BCL2L2: variants seen among roughly 807,000 people sequenced by gnomAD.
BCL2L2 encodes bcl-2-like protein 2.
BCL2L2 carries 6 observed loss-of-function variants against 14.6 expected under a neutral mutation model. That is an observed-to-expected ratio of 0.41 (90% CI 0.22 to 0.81). The LOEUF (loss-of-function observed/expected upper bound fraction) is 0.81. Ranked by LOEUF, BCL2L2 falls within the 30% of genes least tolerant of loss-of-function variation. BCL2L2 has a pLI of 0.32. For missense variants in BCL2L2, 191 were observed against 260.5 expected, an observed-to-expected ratio of 0.73 and a Z score of 1.84; for synonymous variants, 90 against 108.5, an observed-to-expected ratio of 0.83 and a Z score of 1.06.
Position 23,309,519 on chromosome 14 carries a change from C to T in BCL2L2, c.*554C>T. 3 of 985,806 alleles carry T rather than the reference C, an allele frequency of 3.0e-6. No homozygotes were observed. The highest frequency in any genetic ancestry group is 5.2e-4 in the Middle Eastern group (1 of 1,916). 61.1% of individuals were successfully genotyped at this position (985,806 alleles called of 1,614,324 possible). ...ATTCCTCAAGGAGAAAACATTCCCT[C>T]TTGCAATGGCAAGAACTAGGGGCAG... On this transcript the variant is annotated 3_prime_UTR_variant, in exon 4 of 4. Coordinates refer to ENST00000250405, the MANE Select transcript of BCL2L2 (RefSeq NM_004050.5).
chr14:23,309,601 G>A lies in BCL2L2; in HGVS notation c.*636G>A. The A allele has an allele frequency of 2.0e-6, 2 of 985,550 alleles. No individual in the cohort carries two copies. The highest frequency in any genetic ancestry group is 2.4e-6 in the Non-Finnish European group (2 of 830,006). The allele number at this position is 985,550 out of a possible 1,614,324, so 61.1% of individuals were successfully genotyped here. ...CCCTGCCCTTGTCCTGATGCCTCAA[G>A]GCTTAGAGAGAAACATTGTATCCAG... On this transcript the variant is annotated 3_prime_UTR_variant, in exon 4 of 4. Coordinates refer to ENST00000250405, the MANE Select transcript of BCL2L2 (RefSeq NM_004050.5).
chr14:23,311,096 T>C lies in BCL2L2; in HGVS notation c.*2131T>C. 3 of 1,289,150 alleles carry C rather than the reference T, an allele frequency of 2.3e-6. No homozygotes were observed. The highest frequency in any genetic ancestry group is 3.0e-6 in the Non-Finnish European group (3 of 988,668). The allele number at this position is 1,289,150 out of a possible 1,614,324, so 79.9% of individuals were successfully genotyped here. A position where few individuals can be genotyped will look rare whatever the true frequency, so the allele number is the denominator to read the frequency against. On this transcript the variant is annotated 3_prime_UTR_variant, in exon 4 of 4. Transcript: ENST00000250405. ...GCCAGGTTACCAAAATGCCCTGCTC[T>C]GAAGCCTTGACACCTGGGTGGAAAG...
rs986492684 is a variant in BCL2L2 at position 23,309,664 on chromosome 14, G to C, written c.*699G>C. 4 of 985,490 alleles carry C rather than the reference G, an allele frequency of 4.1e-6. No homozygotes were observed. In the African/African-American group the frequency reaches 7.0e-5, roughly 17 times the overall value. 61.0% of individuals were successfully genotyped at this position (985,490 alleles called of 1,614,324 possible). ...GCTGCTTCTTTCCAGAAAGTGATTG[G>C]CAAGGCTTTGGAGAGAAGAGCAGTT... On this transcript the variant is annotated 3_prime_UTR_variant, in exon 4 of 4. Transcript: ENST00000250405.
Position 23,308,860 on chromosome 14 carries a change from G to A in BCL2L2, c.477G>A (p.Ala159=), listed in dbSNP as rs1027849207. Residue 159 remains alanine, a synonymous_variant, in exon 4 of 4, where the codon GCG becomes GCA. Coordinates refer to ENST00000250405, the MANE Select transcript of BCL2L2 (RefSeq NM_004050.5). This position sits in a 1 kb window ranked among gnomAD's most constrained non-coding sequence, Gnocchi z 5.4. ...ALYGDGALEE[A]RRLREGNWAS... is the part of the protein sequence containing the mutation. ...ACGGGGACGGGGCCCTGGAGGAGGC[G>A]CGGCGTCTGCGGGAGGGGAACTGGG... 7 of 1,320,064 alleles carry A rather than the reference G, an allele frequency of 5.3e-6. No individual in the cohort carries two copies. The highest frequency in any genetic ancestry group is 5.8e-6 in the Non-Finnish European group (6 of 1,026,472). The allele number at this position is 1,320,064 out of a possible 1,614,324, so 81.8% of individuals were successfully genotyped here. A position where few individuals can be genotyped will look rare whatever the true frequency, so the allele number is the denominator to read the frequency against.
In BCL2L2 at chr14:23,310,558, A is replaced by G; in HGVS notation, c.*1593A>G. ...GAGTCCAGACTTCTGCTTTTGAGAG[A>G]GGGCTGCACTTTTTCATGGTATTTC... is the stretch of plus-strand genomic sequence containing the variant. On this transcript the variant is annotated 3_prime_UTR_variant, in exon 4 of 4. Coordinates refer to ENST00000250405, the MANE Select transcript of BCL2L2 (RefSeq NM_004050.5). 9.4e-7 allele frequency: 1 copy of G among 1,058,302 alleles called. No individual in the cohort carries two copies. The highest frequency in any genetic ancestry group is 1.1e-6 in the Non-Finnish European group (1 of 874,378). The allele number at this position is 1,058,302 out of a possible 1,614,324, so 65.6% of individuals were successfully genotyped here.
chr14:23,307,757 T>G lies in BCL2L2; in HGVS notation c.-8-3T>G. 1.3e-6 allele frequency: 2 copies of G among 1,519,878 alleles called. No individual in the cohort carries two copies. The highest frequency in any genetic ancestry group is 1.8e-6 in the Non-Finnish European group (2 of 1,135,550). 94.1% of individuals were successfully genotyped at this position (1,519,878 alleles called of 1,614,324 possible). ...GCCAGTCTTTCATCCTTGCCTCTTA[T>G]AGCCGCCCGGATGGCGACCCCAGCC... On this transcript the variant is annotated splice_polypyrimidine_tract_variant and splice_region_variant and intron_variant, in intron 2 of 3. Coordinates refer to ENST00000250405, the MANE Select transcript of BCL2L2 (RefSeq NM_004050.5).
Position 23,310,621 on chromosome 14 carries a change from G to A in BCL2L2, c.*1656G>A. On this transcript the variant is annotated 3_prime_UTR_variant, in exon 4 of 4. Transcript: ENST00000250405. ...TAGGCTGCATGTGCCACTTGGTCTT[G>A]TTGTGAGTATGCTGACACCAGAAAC... The A allele has an allele frequency of 9.0e-7, 1 of 1,116,906 alleles. No individual in the cohort carries two copies. Among genetic ancestry groups the A allele is most frequent in the Non-Finnish European group, 1.1e-6 (1 of 907,856 alleles). 69.2% of individuals were successfully genotyped at this position (1,116,906 alleles called of 1,614,324 possible).
At position 23,307,766 on chromosome 14, in the gene BCL2L2, G is replaced by A. The variant is rs1311255385; in HGVS notation, c.-2G>A. The A allele has an allele frequency of 4.6e-6, 7 of 1,521,128 alleles. No homozygotes were observed. Among genetic ancestry groups the A allele is most frequent in the South Asian group, 1.3e-5 (1 of 76,122 alleles). 94.2% of individuals were successfully genotyped at this position (1,521,128 alleles called of 1,614,324 possible). A position where few individuals can be genotyped will look rare whatever the true frequency, so the allele number is the denominator to read the frequency against. On this transcript the variant is annotated 5_prime_UTR_variant, in exon 3 of 4. Coordinates refer to ENST00000250405, the MANE Select transcript of BCL2L2 (RefSeq NM_004050.5). ...TCATCCTTGCCTCTTATAGCCGCCCGGATGGCGACCCCAGCCTCGGCCCCA... is the reference window on the plus strand; with the variant it reads ...TCATCCTTGCCTCTTATAGCCGCCCAGATGGCGACCCCAGCCTCGGCCCCA...
rs1044051610 is a variant in BCL2L2 at position 23,309,985 on chromosome 14, T to C, written c.*1020T>C. On this transcript the variant is annotated 3_prime_UTR_variant, in exon 4 of 4. Transcript: ENST00000250405. ...AGAATACAGTCTGGGTCCCACACTG[T>C]GTCTCAGTGAGACTGTTGATGCCTT... The C allele has an allele frequency of 1.6e-5, 16 of 985,376 alleles. No individual in the cohort carries two copies. The highest frequency in any genetic ancestry group is 1.8e-5 in the Non-Finnish European group (15 of 829,960). The allele number at this position is 985,376 out of a possible 1,614,324, so 61.0% of individuals were successfully genotyped here.
At position 23,309,143 on chromosome 14, in the gene BCL2L2, C is replaced by T; in HGVS notation, c.*178C>T. The stretch of plus-strand genomic sequence containing the variant: ...CCAGGTAGGCGATTGGAAGAGTGAG[C>T]AGGACACAGAGGGGAGGGGAATGTT... On this transcript the variant is annotated 3_prime_UTR_variant, in exon 4 of 4. Coordinates refer to ENST00000250405, the MANE Select transcript of BCL2L2 (RefSeq NM_004050.5). The T allele has an allele frequency of 1.6e-6, 2 of 1,234,366 alleles. No homozygotes were observed. The highest frequency in any genetic ancestry group is 2.0e-6 in the Non-Finnish European group (2 of 985,036). The allele number at this position is 1,234,366 out of a possible 1,614,324, so 76.5% of individuals were successfully genotyped here. A position where few individuals can be genotyped will look rare whatever the true frequency, so the allele number is the denominator to read the frequency against.
At position 23,307,966 on chromosome 14, in the gene BCL2L2, C is replaced by T; in HGVS notation, c.199C>T (p.Gln67Ter). The T allele has an allele frequency of 6.2e-7, 1 of 1,614,098 alleles. No individual in the cohort carries two copies. Among genetic ancestry groups the T allele is most frequent in the Non-Finnish European group, 8.5e-7 (1 of 1,180,004 alleles). The change falls in exon 3 of 4, where the codon CAG (glutamine) becomes TAG (stop). Residue 67 changes from glutamine to a stop codon, truncating the protein, a stop_gained. Transcript: ENST00000250405. LOFTEE classifies it high-confidence loss of function. ...FRRTFSDLAA[Q>*]LHVTPGSAQQ... ...GCGCACCTTCTCTGATCTGGCGGCT[C>T]AGCTGCATGTGACCCCAGGCTCAGC...
chr14:23,310,045 T>G lies in BCL2L2; in HGVS notation c.*1080T>G. ...ATTTCAGATCTGAATCCCATGGGTG[T>G]GAGGGTGATGGGTACTCCAGGACTG... On this transcript the variant is annotated 3_prime_UTR_variant, in exon 4 of 4. Transcript: ENST00000250405. 1.0e-6 allele frequency: 1 copy of G among 985,572 alleles called. No individual in the cohort carries two copies. Among genetic ancestry groups the G allele is most frequent in the Non-Finnish European group, 1.2e-6 (1 of 830,088 alleles). 61.1% of individuals were successfully genotyped at this position (985,572 alleles called of 1,614,324 possible). A position where few individuals can be genotyped will look rare whatever the true frequency, so the allele number is the denominator to read the frequency against.
At position 23,310,075 on chromosome 14, in the gene BCL2L2, A is replaced by C. The variant is rs937379088; in HGVS notation, c.*1110A>C. On this transcript the variant is annotated 3_prime_UTR_variant, in exon 4 of 4. Transcript: ENST00000250405. ...GTGATGGGTACTCCAGGACTGGCCT[A>C]TGCTGTGTTGTGGGCTTTGGTTCGG... The C allele has an allele frequency of 2.0e-5, 20 of 985,378 alleles. No individual in the cohort carries two copies. The African/African-American group carries it at 3.5e-4, about 17-fold the overall frequency. The allele number at this position is 985,378 out of a possible 1,614,324, so 61.0% of individuals were successfully genotyped here.
In BCL2L2 at chr14:23,307,214, T is replaced by C. The variant is rs1887278318; in HGVS notation, c.-74T>C. On this transcript the variant is annotated 5_prime_UTR_variant, in exon 2 of 4. It removes an upstream start codon present in the reference 5' UTR. Coordinates refer to ENST00000250405, the MANE Select transcript of BCL2L2 (RefSeq NM_004050.5). ...CAGGGCTCCACGCTGGCCAGGAGGA[T>C]GAAAGGCCCCAGCTGGGGGCTCCTT... 1 of 152,678 alleles carries C rather than the reference T, an allele frequency of 6.5e-6. No homozygotes were observed. Among genetic ancestry groups the C allele is most frequent in the South Asian group, 2.1e-4 (1 of 4,848 alleles). 9.5% of individuals were successfully genotyped at this position (152,678 alleles called of 1,614,324 possible). A position where few individuals can be genotyped will look rare whatever the true frequency, so the allele number is the denominator to read the frequency against.
chr14:23,311,163 C>T lies in BCL2L2; in HGVS notation c.*2198C>T. ...AAGGGTAAAGGGCTTGGTCTGGATTCCCAGAAGCATAGCTTAGATGGGACC... is the reference window on the plus strand; with the variant it reads ...AAGGGTAAAGGGCTTGGTCTGGATTTCCAGAAGCATAGCTTAGATGGGACC... On this transcript the variant is annotated 3_prime_UTR_variant, in exon 4 of 4. Coordinates refer to ENST00000250405, the MANE Select transcript of BCL2L2 (RefSeq NM_004050.5). 2.3e-6 allele frequency: 3 copies of T among 1,283,742 alleles called. No homozygotes were observed. Among genetic ancestry groups the T allele is most frequent in the Non-Finnish European group, 2.0e-6 (2 of 987,726 alleles). 79.5% of individuals were successfully genotyped at this position (1,283,742 alleles called of 1,614,324 possible).
Position 23,308,972 on chromosome 14 carries a change from A to T in BCL2L2, c.*7A>T. The T allele has an allele frequency of 7.5e-7, 1 of 1,324,678 alleles. No individual in the cohort carries two copies. Among genetic ancestry groups the T allele is most frequent in the Non-Finnish European group, 9.7e-7 (1 of 1,028,756 alleles). 82.1% of individuals were successfully genotyped at this position (1,324,678 alleles called of 1,614,324 possible). ...CTTTTTTGCTAGCAAGTGAAAGTCC[A>T]GGGCCAGGTGGGGCTAGGTGTGGCT... On this transcript the variant is annotated 3_prime_UTR_variant, in exon 4 of 4. Coordinates refer to ENST00000250405, the MANE Select transcript of BCL2L2 (RefSeq NM_004050.5). The surrounding 1 kb of genome is among the most constrained non-coding windows in gnomAD (Gnocchi z 5.4).
intron 2 of BCL2L2, 30 bp from the exon 3 acceptor site, chr14:23,307,730 A>G: frequency 1.3e-6 from 2 of 1,515,866 alleles, no homozygotes; most frequent in South Asian, 2.7e-5. Flanking sequence ...TCATATATTC[A>G]TGCCAGTCTT....
chr14:23,307,662 C>G, intron 2 of BCL2L2, 98 bp from the exon 3 acceptor site: 3 of 1,458,308 alleles, frequency 2.1e-6, no homozygotes, highest in Non-Finnish European at 2.7e-6. Flanking sequence ...AGCATTTCCT[C>G]TCTCCTCCTC....
chr14:23,310,847 C>A lies in BCL2L2; in HGVS notation c.*1882C>A. On this transcript the variant is annotated 3_prime_UTR_variant, in exon 4 of 4. Coordinates refer to ENST00000250405, the MANE Select transcript of BCL2L2 (RefSeq NM_004050.5). Reference sequence around the variant, plus strand: ...TCAAACAGAACAGCTCCCCTTGTAGCTGTCTTACATATTGGGGTTCAGGGT... The same window carrying A: ...TCAAACAGAACAGCTCCCCTTGTAGATGTCTTACATATTGGGGTTCAGGGT... The A allele has an allele frequency of 8.1e-7, 1 of 1,241,478 alleles. No homozygotes were observed. The highest frequency in any genetic ancestry group is 1.0e-6 in the Non-Finnish European group (1 of 954,204). 76.9% of individuals were successfully genotyped at this position (1,241,478 alleles called of 1,614,324 possible). A position where few individuals can be genotyped will look rare whatever the true frequency, so the allele number is the denominator to read the frequency against.
Sources: gnomAD v4.1 joint callset for allele counts on GRCh38, gnomAD v4.1.1 for gene constraint, Gnocchi (gnomAD v3.1) non-coding constraint, MANE v1.5 for transcripts, NCBI Gene and HGNC (gene_info 2026-07-23, HGNC 2026-07-21) for gene names.